Variants in RFLNA observed in about 807,000 individuals in gnomAD.
RFLNA encodes refilin A, also known as refilin-A.
A neutral mutation model predicts 7.8 loss-of-function variants in RFLNA; 5 were observed. The observed-to-expected ratio is 0.64, with a 90% CI of 0.34 to 1.35. RFLNA has a LOEUF of 1.35. Among genes scored for constraint, RFLNA ranks in the 40% most tolerant of loss-of-function variants. The probability of loss-of-function intolerance (pLI) is 0.04; values close to 1 mark genes in which losing one functional copy is unlikely to be tolerated. For missense variants in RFLNA, 278 were observed against 305.5 expected (o/e 0.91, Z 0.67); for synonymous variants, 141 against 131.3 (o/e 1.07, Z -0.50).
intron 2 of RFLNA, among the ~76,000 whole-genome samples, chr12:124,312,823 A>G (rs1179067955): frequency 1.3e-5 from 2 of 152,082 alleles, no homozygotes; most frequent in Non-Finnish European, 2.9e-5. Flanking sequence ...CTTAGGTGGC[A>G]TCCGAATTGA....
At chr12:124,298,302 C>G (rs938645071) in intron 1 of RFLNA, among the ~76,000 whole-genome samples, 1 of 152,112 alleles carries the variant, frequency 6.6e-6, no homozygotes, top group Non-Finnish European at 1.5e-5. Context: ...GAGGCCCCCC[C>G]ACTTTGTTTG....
chr12:124,295,399 GC>G lies in RFLNA; in HGVS notation c.-30del. The G allele has an allele frequency of 3.4e-6, 4 of 1,183,682 alleles. No homozygotes were observed. Among genetic ancestry groups the G allele is most frequent in the Non-Finnish European group, 4.2e-6 (4 of 945,324 alleles). The allele number at this position is 1,183,682 out of a possible 1,614,324, so 73.3% of individuals were successfully genotyped here. Reference sequence around the variant, plus strand: ...GCGCGGTGGAGAAGCCCCCGGAGGAGCGGGGGGCCCGCGCCCCGCGCCCCCC... The same window carrying G: ...GCGCGGTGGAGAAGCCCCCGGAGGAGGGGGGGCCCGCGCCCCGCGCCCCCC... On this transcript the variant is annotated 5_prime_UTR_variant, in exon 1 of 3. Coordinates refer to ENST00000546355, the MANE Select transcript of RFLNA (RefSeq NM_001365156.1).
At chr12:124,292,196 A>T (rs2135666941), upstream of RFLNA, among the ~76,000 whole-genome samples, 1 of 152,278 alleles carries the variant, frequency 6.6e-6, no homozygotes, top group East Asian at 1.9e-4. Context: ...ACCTCTGCAG[A>T]TTCTCCCATC....
At chr12:124,293,078 C>A (rs59032961), upstream of RFLNA, among the ~76,000 whole-genome samples, 977 of 152,170 alleles carry the variant, frequency 6.4e-3, 6 homozygotes, top group African/African-American at 0.021. Flanking sequence ...CGCCCGCCAC[C>A]ACGCCCGGCT....
chr12:124,312,068 G>C (rs1485336757), intron 2 of RFLNA, 141 bp downstream of exon 2: 1 of 1,050,900 alleles, frequency 9.5e-7, no homozygotes, highest in Non-Finnish European at 1.3e-6. Context: ...GCCCCTCTGG[G>C]TGCTGCTTCC....
At chr12:124,310,237 A>C (rs1161608893) in intron 1 of RFLNA, among the ~76,000 whole-genome samples, 3 of 144,804 alleles carry the variant, frequency 2.1e-5, no homozygotes, top group East Asian at 2.2e-4. Flanking sequence ...CCTGAGTGAA[A>C]TCTCTACTTC....
chr12:124,315,737 T>G lies in RFLNA; in HGVS notation c.*1212T>G, dbSNP rs2135698807. 1 of 152,254 alleles carries G rather than the reference T, an allele frequency of 6.6e-6. No individual in the cohort carries two copies. The highest frequency in any genetic ancestry group is 2.4e-5 in the African/African-American group (1 of 41,548). The allele number at this position is 152,254 out of a possible 1,614,324, so 9.4% of individuals were successfully genotyped here. Reference sequence around the variant, plus strand: ...TGGCAGGGTGCTGGGGAGATGCCCCTCTGAGCCTTCCTCCCCCCTCAGACC... The same window carrying G: ...TGGCAGGGTGCTGGGGAGATGCCCCGCTGAGCCTTCCTCCCCCCTCAGACC... On this transcript the variant is annotated 3_prime_UTR_variant, in exon 3 of 3. Transcript: ENST00000546355.
rs952844181 is a variant in RFLNA at position 124,297,466 on chromosome 12, C to T, written c.207+1830C>T. Among the ~76,000 whole-genome samples the T allele has an allele frequency of 3.3e-5, 5 of 152,116 alleles. No individual in the cohort carries two copies. In the South Asian group the frequency reaches 6.2e-4, roughly 19 times the overall value. On this transcript the variant is annotated intron_variant, in intron 1 of 2. Coordinates refer to ENST00000546355, the MANE Select transcript of RFLNA (RefSeq NM_001365156.1). Reference sequence around the variant, plus strand: ...ATAACTGTCCTAAGCTCTTTATTTACACCAATTCATTTAATTTTCACTATA... The same window carrying T: ...ATAACTGTCCTAAGCTCTTTATTTATACCAATTCATTTAATTTTCACTATA...
chr12:124,299,414 A>G (rs200776467), intron 1 of RFLNA, among the ~76,000 whole-genome samples: 20,266 of 152,156 alleles, frequency 0.13, 1,665 homozygotes, highest in East Asian at 0.3. Context: ...ACATGAGTCA[A>G]TTCTTTAGTG....
At chr12:124,294,464 GTTC>G (rs1555293915), upstream of RFLNA, among the ~76,000 whole-genome samples, 7 of 152,202 alleles carry the variant, frequency 4.6e-5, no homozygotes, top group Non-Finnish European at 8.8e-5. Flanking sequence ...GGAAACACGT[GTTC>G]TTCTCTCTTG....
chr12:124,311,978 G>T (rs1315099640), intron 2 of RFLNA, 51 bp downstream of exon 2: 1 of 1,456,696 alleles, frequency 6.9e-7, no homozygotes, highest in Non-Finnish European at 9.2e-7. Flanking sequence ...GGGGTTGGGT[G>T]CTGGTCCTGA....
upstream of RFLNA, among the ~76,000 whole-genome samples, chr12:124,291,825 G>T (rs189931292): frequency 8.4e-4 from 128 of 152,100 alleles, no homozygotes; most frequent in Non-Finnish European, 1.5e-3. Flanking sequence ...AGTGCTTGGG[G>T]AGCCCTGGGC....
At chr12:124,299,697 T>C (rs755985554) in intron 1 of RFLNA, among the ~76,000 whole-genome samples, 1 of 152,280 alleles carries the variant, frequency 6.6e-6, no homozygotes, top group Non-Finnish European at 1.5e-5. Flanking sequence ...TTCCTTTTTA[T>C]GGCTGAGTAG....
rs2033894722 is a variant in RFLNA, at chr12:124,295,629, C to T, written c.200C>T (p.Ala67Val). The T allele has an allele frequency of 1.6e-6, 2 of 1,232,844 alleles. No homozygotes were observed. Among genetic ancestry groups the T allele is most frequent in the South Asian group, 3.9e-5 (1 of 25,956 alleles). The allele number at this position is 1,232,844 out of a possible 1,614,324, so 76.4% of individuals were successfully genotyped here. Residue 67 changes from alanine to valine, a missense_variant, in exon 1 of 3, where the codon GCC becomes GTC. By Grantham distance (64) the Ala-to-Val change is moderately conservative. Transcript: ENST00000546355. ...ASSEPPGPSEARAPPSQLPNP... is the reference protein window; with the variant it reads ...ASSEPPGPSEVRAPPSQLPNP... ...TCGGAGCCCCCGGGACCCAGCGAGG[C>T]CAGAGCGGTAAGGAGGCGCTCTCTC...
In RFLNA at chr12:124,295,516, G is replaced by A; in HGVS notation, c.87G>A (p.Gly29=). 1 of 1,273,060 alleles carries A rather than the reference G, an allele frequency of 7.9e-7. No individual in the cohort carries two copies. The highest frequency in any genetic ancestry group is 9.9e-7 in the Non-Finnish European group (1 of 1,012,064). The allele number at this position is 1,273,060 out of a possible 1,614,324, so 78.9% of individuals were successfully genotyped here. The change falls in exon 1 of 3, where the codon GGG becomes GGA. Residue 29 remains glycine (G), a synonymous_variant. Coordinates refer to ENST00000546355, the MANE Select transcript of RFLNA (RefSeq NM_001365156.1). The part of the protein sequence containing the change: ...REGLLDSPDS[G]LPPSPSPSPP... Reference sequence around the variant, plus strand: ...GCTTGCTGGACAGCCCCGACTCCGGGCTGCCCCCCAGCCCCAGCCCCAGCC... The same window carrying A: ...GCTTGCTGGACAGCCCCGACTCCGGACTGCCCCCCAGCCCCAGCCCCAGCC...
At chr12:124,290,528 TTG>T (rs1245916809), upstream of RFLNA, among the ~76,000 whole-genome samples, 1 of 151,980 alleles carries the variant, frequency 6.6e-6, no homozygotes, top group African/African-American at 2.4e-5. The surrounding 1 kb of genome is among the most constrained non-coding windows in gnomAD (Gnocchi z 4.0). Context: ...GTGTGTATAT[TTG>T]TGTTTATGTG....
rs147450944 is a variant in RFLNA, at chr12:124,297,246, C to T, written c.207+1610C>T. 3.9e-5 allele frequency among the ~76,000 whole-genome samples: 6 copies of T among 152,242 alleles called. No homozygotes were observed. In the East Asian group the frequency reaches 9.7e-4, roughly 25 times the overall value. On this transcript the variant is annotated intron_variant, in intron 1 of 2. Coordinates refer to ENST00000546355, the MANE Select transcript of RFLNA (RefSeq NM_001365156.1). ...GCCATCCGGGCCAGCCCGTGGCTGC[C>T]GCAAGAATAGCATGGCTGGCTTACT...
At chr12:124,296,530 C>T (rs2033932547) in intron 1 of RFLNA, among the ~76,000 whole-genome samples, 1 of 152,166 alleles carries the variant, frequency 6.6e-6, no homozygotes. Flanking sequence ...AACAGCTTTA[C>T]TGCTGGGGCG....
rs930392171 is a variant in RFLNA at position 124,297,247 on chromosome 12, G to A, written c.207+1611G>A. Among the ~76,000 whole-genome samples, 5 of 152,136 alleles carry A rather than the reference G, an allele frequency of 3.3e-5. No individual in the cohort carries two copies. The East Asian group carries it at 5.8e-4, about 18-fold the overall frequency. On this transcript the variant is annotated intron_variant, in intron 1 of 2. Coordinates refer to ENST00000546355, the MANE Select transcript of RFLNA (RefSeq NM_001365156.1). ...CCATCCGGGCCAGCCCGTGGCTGCC[G>A]CAAGAATAGCATGGCTGGCTTACTT...
Sources: gnomAD v4.1 joint callset for allele counts (sites outside exome capture counted in the v4.1 genomes callset) on GRCh38, gnomAD v4.1.1 for gene constraint, Gnocchi (gnomAD v3.1) non-coding constraint, MANE v1.5 for transcripts, NCBI Gene and HGNC (gene_info 2026-07-23, HGNC 2026-07-21) for gene names.